The following PEX1 variants were observed in gnomAD, a reference collection of about 807,000 sequenced individuals.
PEX1 encodes peroxisomal ATPase PEX1.
Under a neutral mutation model 152.5 loss-of-function variants are expected in PEX1, and 97 were observed. The ratio of observed to expected loss-of-function variants is 0.64; its 90% CI spans 0.54 to 0.75. PEX1 has a LOEUF of 0.75. Among genes scored for constraint, PEX1 ranks in the 30% least tolerant of loss-of-function variants. The probability of loss-of-function intolerance (pLI) is 0.00; values close to 1 mark genes in which losing one functional copy is unlikely to be tolerated. For missense variants in PEX1, 1,357 were observed against 1,516.3 expected (o/e 0.89, Z 1.74); for synonymous variants, 485 against 531.6 (o/e 0.91, Z 1.21).
chr7:92,517,789 T>C lies in PEX1; in HGVS notation c.726A>G (p.Val242=). The change falls in exon 5 of 24, where the codon GTA becomes GTG. Residue 242 remains valine (V), a synonymous_variant. Transcript: ENST00000248633. ...ESEIPVDSSS[V]ASLWTMIGSI... is the part of the protein sequence containing the mutation. ...TTCCTATCATAGTCCATAAACTTGC[T>C]ACTGATGATGAGTCAACTGGAATCT... 2 of 1,570,382 alleles carry C rather than the reference T, an allele frequency of 1.3e-6. 1 individual carries two copies. The highest frequency in any genetic ancestry group is 2.4e-5 in the South Asian group (2 of 82,090).
At chr7:92,516,110 G>GAAAAGAAAAGAAAAGA (rs946029832) in intron 5 of PEX1, among the ~76,000 whole-genome samples, 1 of 151,054 alleles carries the variant, frequency 6.6e-6, no homozygotes, top group East Asian at 1.9e-4. Context: ...GAAAAGAAAA[G>GAAAAGAAAAGAAAAGA]AATGGTCTGG....
chr7:92,490,452 T>C (rs1380752459), intron 21 of PEX1, among the ~76,000 whole-genome samples: 4 of 151,992 alleles, frequency 2.6e-5, no homozygotes, highest in Non-Finnish European at 4.4e-5. Context: ...CTGGGCAATA[T>C]GGTGAAACCT....
intron 16 of PEX1, among the ~76,000 whole-genome samples, chr7:92,497,453 CAAA>C (rs200588226): frequency 3.4e-5 from 4 of 118,832 alleles, no homozygotes; most frequent in African/African-American, 3.1e-5. Context: ...GGGAAAAGGC[CAAA>C]AAAAAAAAAA....
intron 15 of PEX1, 25 bp from the exon 16 acceptor site, chr7:92,499,863 GAA>G: frequency 6.4e-7 from 1 of 1,563,540 alleles, no homozygotes; most frequent in Non-Finnish European, 8.8e-7. Context: ...AAAAAAATAT[GAA>G]AAAGAGCTCA....
chr7:92,487,483 G>T lies in PEX1; in HGVS notation c.3826C>A (p.Pro1276Thr), dbSNP rs780491224. 14 of 1,594,522 alleles carry T rather than the reference G, an allele frequency of 8.8e-6. No individual in the cohort carries two copies. The East Asian group carries it at 2.7e-4, about 31-fold the overall frequency. Residue 1276 changes from proline to threonine, a missense_variant, in exon 24 of 24, where the codon CCT becomes ACT. By Grantham distance (38) the Pro-to-Thr change is conservative. Transcript: ENST00000248633. Reference protein sequence around the residue: ...RKNQSGTMFRPGQKVTLA With the variant: ...RKNQSGTMFRTGQKVTLA The stretch of plus-strand genomic sequence containing the variant: ...TATGCTAAAGTTACTTTCTGTCCAG[G>T]TCGAAACATTGTTCCACTTTGATTT...
At chr7:92,520,347 T>C (rs1792995172) in intron 2 of PEX1, among the ~76,000 whole-genome samples, 1 of 152,204 alleles carries the variant, frequency 6.6e-6, no homozygotes, top group South Asian at 2.1e-4. Flanking sequence ...TTTAAGATTC[T>C]AGCAACAATT....
chr7:92,511,735 C>T (rs1191548572), intron 6 of PEX1, 32 bp from the exon 7 acceptor site: 7 of 1,597,754 alleles, frequency 4.4e-6, no homozygotes, highest in Non-Finnish European at 6.0e-6. Context: ...ATGAATTATC[C>T]TCATATCTGA....
chr7:92,518,350 T>A, intron 3 of PEX1, 95 bp from the exon 4 acceptor site: 1 of 781,810 alleles, frequency 1.3e-6, no homozygotes. Context: ...AAAAAACAAA[T>A]TTTAATGTGC....
At chr7:92,503,804 T>TATAG (rs1792047696) in intron 12 of PEX1, among the ~76,000 whole-genome samples, 1 of 152,064 alleles carries the variant, frequency 6.6e-6, no homozygotes. Context: ...ATTTCAAAAT[T>TATAG]TGAGATTAAC....
chr7:92,494,275 T>C lies in PEX1; in HGVS notation c.3030+18A>G. ...GTAGCATTTGTTGGGTTTTGGACTC[T>C]AAATATGAAATTGTCACCTGATCAG... On this transcript the variant is annotated intron_variant, in intron 19 of 23. Coordinates refer to ENST00000248633, the MANE Select transcript of PEX1 (RefSeq NM_000466.3). The C allele has an allele frequency of 5.1e-6, 8 of 1,580,958 alleles. No homozygotes were observed. Among genetic ancestry groups the C allele is most frequent in the Non-Finnish European group, 7.0e-6 (8 of 1,150,816 alleles).
intron 1 of PEX1, among the ~76,000 whole-genome samples, chr7:92,527,149 T>C (rs1372520877): frequency 3.3e-5 from 5 of 152,180 alleles, no homozygotes; most frequent in Non-Finnish European, 7.4e-5. Flanking sequence ...TCCCGAAGGC[T>C]CAAAATTTAA....
chr7:92,512,792 A>AT (rs1029044243), intron 6 of PEX1, among the ~76,000 whole-genome samples: 9 of 150,006 alleles, frequency 6.0e-5, no homozygotes, highest in South Asian at 4.3e-4. Flanking sequence ...GCCTGGCTTA[A>AT]TTTTTTTTTT....
rs181790638 is a variant in PEX1, at chr7:92,492,918, A to G, written c.3207+35T>C. 306 of 1,544,642 alleles carry G rather than the reference A, an allele frequency of 2.0e-4. 2 individuals are homozygous for G. In the African/African-American group the frequency reaches 3.5e-3, roughly 18 times the overall value. On this transcript the variant is annotated intron_variant, in intron 20 of 23. Transcript: ENST00000248633. ...TGACATTGTACTTCTTTTATCACTC[A>G]TAAAATGTCATAACAACTTCCTCAT...
chr7:92,498,735 C>T (rs1363641208), intron 16 of PEX1, among the ~76,000 whole-genome samples: 1 of 152,080 alleles, frequency 6.6e-6, no homozygotes, highest in Non-Finnish European at 1.5e-5. Flanking sequence ...AATTACCACA[C>T]TCACCTTATA....
At chr7:92,494,941 C>CT (rs1413835594) in intron 17 of PEX1, among the ~76,000 whole-genome samples, 6 of 151,794 alleles carry the variant, frequency 4.0e-5, no homozygotes, top group African/African-American at 1.2e-4. Flanking sequence ...CCCATGCCTT[C>CT]TGGATAGACT....
intron 7 of PEX1, 97 bp from the exon 8 acceptor site, chr7:92,511,144 T>C: frequency 1.5e-6 from 1 of 653,798 alleles, no homozygotes; most frequent in Non-Finnish European, 2.6e-6. Flanking sequence ...TTAAAGACTT[T>C]TTTTTTTTTC....
chr7:92,499,808 G>A lies in PEX1; in HGVS notation c.2614C>T (p.Arg872Ter), dbSNP rs61750422. 1.1e-5 allele frequency: 18 copies of A among 1,609,740 alleles called. No individual in the cohort carries two copies. The highest frequency in any genetic ancestry group is 5.0e-5 in the Admixed American group (3 of 59,802). ...YPELFANLPI[R>*]QRTGILLYGP... ...TACAACAGTATTCCTGTTCTTTGTC[G>A]TATGGGCAAGTTTGCAAATAATTCT... Residue 872 changes from arginine (R) to a stop codon, truncating the protein, a stop_gained, in exon 16 of 24, where the codon CGA (arginine) becomes TGA (stop). Transcript: ENST00000248633. LOFTEE classifies it high-confidence loss of function.
At position 92,489,159 on chromosome 7, in the gene PEX1, C is replaced by T. The variant is rs561270415; in HGVS notation, c.3767+134G>A. ...TTTGGGGTTTTTTAATGCATAGCTA[C>T]GACACATATTTTTTGAATTAGCTTT... is the stretch of plus-strand genomic sequence containing the variant. On this transcript the variant is annotated intron_variant, in intron 23 of 23. Transcript: ENST00000248633. 3.2e-4 allele frequency: 266 copies of T among 830,156 alleles called. 3 individuals carry two copies. The highest frequency in any genetic ancestry group is 2.6e-3 in the South Asian group (173 of 65,410). 51.4% of individuals were successfully genotyped at this position (830,156 alleles called of 1,614,324 possible). A position where few individuals can be genotyped will look rare whatever the true frequency, so the allele number is the denominator to read the frequency against.
In PEX1 at chr7:92,516,041, G is replaced by A. The variant is rs201063102; in HGVS notation, c.1239+1235C>T. Among the ~76,000 whole-genome samples the A allele has an allele frequency of 9.2e-3, 940 of 102,524 alleles. 7 individuals carry two copies. The highest frequency in any genetic ancestry group is 0.054 in the East Asian group (153 of 2,816). The allele number at this position is 102,524 out of a possible 152,430, so 67.3% of individuals were successfully genotyped here. A position where few individuals can be genotyped will look rare whatever the true frequency, so the allele number is the denominator to read the frequency against. The stretch of plus-strand genomic sequence containing the variant: ...GAGAAGAGAAGAGAAGAGAAGAGAA[G>A]AGAAGAGAAGAGAAAAAAGAAAAGA... On this transcript the variant is annotated intron_variant, in intron 5 of 23. Coordinates refer to ENST00000248633, the MANE Select transcript of PEX1 (RefSeq NM_000466.3).
Sources: allele counts gnomAD v4.1 joint callset (sites outside exome capture counted in the v4.1 genomes callset), GRCh38; gene constraint gnomAD v4.1.1; transcripts MANE v1.5; gene names NCBI Gene and HGNC (gene_info 2026-07-23, HGNC 2026-07-21).